IFFO2: variants seen among roughly 807,000 people sequenced by gnomAD.
The protein encoded by IFFO2 is intermediate filament family orphan 2.
IFFO2 carries 19 observed loss-of-function variants against 53.5 expected under a neutral mutation model. The observed-to-expected ratio is 0.36, with a 90% CI of 0.25 to 0.52. The LOEUF is 0.52. IFFO2 is among the 20% of genes least tolerant of loss of function. The pLI is 0.94. For synonymous variants in IFFO2, 303 were observed against 313.6 expected, an observed-to-expected ratio of 0.97 and a Z score of 0.36; for missense variants, 570 against 727.4, an observed-to-expected ratio of 0.78 and a Z score of 2.49.
chr1:18,916,863 C>A lies in IFFO2; in HGVS notation c.1103+40G>T, dbSNP rs1380446191. 2.6e-6 allele frequency: 4 copies of A among 1,547,704 alleles called. No individual in the cohort carries two copies. In the Admixed American group the frequency reaches 5.9e-5, roughly 23 times the overall value. On this transcript the variant is annotated intron_variant, in intron 5 of 8. Transcript: ENST00000455833. This position sits in a 1 kb window ranked among gnomAD's most constrained non-coding sequence, Gnocchi z 4.3. ...CATTCACCGCCCCTGTGCAAGCAAT[C>A]CGGGGAAACGGAGAGTGTGCGGGCC... is the stretch of plus-strand genomic sequence containing the variant.
intron 1 of IFFO2, among the ~76,000 whole-genome samples, chr1:18,953,763 C>T (rs948587677): frequency 6.6e-6 from 1 of 152,194 alleles, no homozygotes; most frequent in African/African-American, 2.4e-5. Flanking sequence ...CATTCCAGGC[C>T]AGCGCCAGAA....
chr1:18,952,261 G>A (rs1293736478), intron 1 of IFFO2, among the ~76,000 whole-genome samples: 8 of 152,164 alleles, frequency 5.3e-5, no homozygotes, highest in Admixed American at 3.3e-4. Flanking sequence ...CGGCTTCAGC[G>A]ACCACATTTC....
At position 18,956,291 on chromosome 1, in the gene IFFO2, G is replaced by A; in HGVS notation, c.42C>T (p.Phe14=). The change falls in exon 1 of 9, where the codon TTC becomes TTT. Residue 14 remains phenylalanine (F), a synonymous_variant. Transcript: ENST00000455833. This position sits in a 1 kb window ranked among gnomAD's most constrained non-coding sequence, Gnocchi z 6.4. ...SLLFGEMALA[F]GCPPGGGGGG... ...CGCCGCCGCCGCCCGGCGGGCAGCC[G>A]AAGGCCAAGGCCATCTCCCCGAACA... is the stretch of plus-strand genomic sequence containing the variant. 1 of 625,702 alleles carries A rather than the reference G, an allele frequency of 1.6e-6. No individual in the cohort carries two copies. Among genetic ancestry groups the A allele is most frequent in the Non-Finnish European group, 2.1e-6 (1 of 473,496 alleles). 38.8% of individuals were successfully genotyped at this position (625,702 alleles called of 1,614,324 possible). A position where few individuals can be genotyped will look rare whatever the true frequency, so the allele number is the denominator to read the frequency against.
chr1:18,926,908 C>T (rs1266585766), intron 1 of IFFO2, among the ~76,000 whole-genome samples: 1 of 152,162 alleles, frequency 6.6e-6, no homozygotes, highest in Non-Finnish European at 1.5e-5. Context: ...AAAGTAGGTG[C>T]AGGCCCAGCA....
At chr1:18,943,694 TGGCAGATCGGGAA>T (rs998262915) in intron 1 of IFFO2, among the ~76,000 whole-genome samples, 12 of 152,226 alleles carry the variant, frequency 7.9e-5, no homozygotes, top group African/African-American at 2.9e-4. Context: ...AGCACAGGGC[TGGCAGATCGGGAA>T]GGCAGATCAG....
At chr1:18,930,038 A>G (rs1936354448) in intron 1 of IFFO2, among the ~76,000 whole-genome samples, 1 of 152,028 alleles carries the variant, frequency 6.6e-6, no homozygotes, top group Admixed American at 6.6e-5. Context: ...TGGAGAGGGG[A>G]GCAGGGACTC....
chr1:18,918,562 G>A lies in IFFO2; in HGVS notation c.823-60C>T. On this transcript the variant is annotated intron_variant, in intron 3 of 8. Transcript: ENST00000455833. This position sits in a 1 kb window ranked among gnomAD's most constrained non-coding sequence, Gnocchi z 5.2. ...GGATGGAGCAAGCCTGGGGGGCTTG[G>A]CAGAGAGGTGGGGAGACCCCTAGGT... is the stretch of plus-strand genomic sequence containing the variant. The A allele has an allele frequency of 5.2e-6, 8 of 1,528,158 alleles. No individual in the cohort carries two copies. The highest frequency in any genetic ancestry group is 7.1e-6 in the Non-Finnish European group (8 of 1,127,426). The allele number at this position is 1,528,158 out of a possible 1,614,324, so 94.7% of individuals were successfully genotyped here. A position where few individuals can be genotyped will look rare whatever the true frequency, so the allele number is the denominator to read the frequency against.
chr1:18,931,917 G>A (rs1218935924), intron 1 of IFFO2, among the ~76,000 whole-genome samples: 1 of 152,236 alleles, frequency 6.6e-6, no homozygotes, highest in Non-Finnish European at 1.5e-5. Flanking sequence ...TACACATGGG[G>A]TCACAGTCAC....
chr1:18,916,788 A>C lies in IFFO2; in HGVS notation c.1103+115T>G. 7.7e-7 allele frequency: 1 copy of C among 1,293,466 alleles called. No individual in the cohort carries two copies. The highest frequency in any genetic ancestry group is 1.0e-6 in the Non-Finnish European group (1 of 955,792). The allele number at this position is 1,293,466 out of a possible 1,614,324, so 80.1% of individuals were successfully genotyped here. ...ACCCTGTCTCAAAAAAAAAAAGGAAATGAATTCAAATTCTTCCAGTGCTGC... is the reference window on the plus strand; with the variant it reads ...ACCCTGTCTCAAAAAAAAAAAGGAACTGAATTCAAATTCTTCCAGTGCTGC... On this transcript the variant is annotated intron_variant, in intron 5 of 8. Transcript: ENST00000455833. This position sits in a 1 kb window ranked among gnomAD's most constrained non-coding sequence, Gnocchi z 4.3.
At chr1:18,911,936 C>G in intron 6 of IFFO2, 27 bp downstream of exon 6, 1 of 1,551,104 alleles carries the variant, frequency 6.4e-7, no homozygotes, top group Admixed American at 2.0e-5. Flanking sequence ...TAGTCCTGGC[C>G]TTTGGGAAGC....
chr1:18,913,231 C>T (rs1034418185), intron 5 of IFFO2, among the ~76,000 whole-genome samples: 7 of 152,334 alleles, frequency 4.6e-5, no homozygotes, highest in Admixed American at 2.0e-4. Flanking sequence ...CAGGCCGGGC[C>T]GGCTCCCCTC....
rs71577808 is a variant in IFFO2 at position 18,934,057 on chromosome 1, C to CTTTTTTTTTTTTTTTTTTTTTTT, written c.666-12959_666-12937dup. On this transcript the variant is annotated intron_variant, in intron 1 of 8. Transcript: ENST00000455833. ...TGTGAATAGCTTATTTCTCTTATTTCTTTTTTTTTTTTTTTTTTTTTTTTT... is the reference window on the plus strand; with the variant it reads ...TGTGAATAGCTTATTTCTCTTATTTCTTTTTTTTTTTTTTTTTTTTTTTTTTTTTTTTTTTTTTTTTTTTTTTT... Among the ~76,000 whole-genome samples, 4 of 70,330 alleles carry CTTTTTTTTTTTTTTTTTTTTTTT rather than the reference C, an allele frequency of 5.7e-5. 2 individuals carry two copies. Among genetic ancestry groups the CTTTTTTTTTTTTTTTTTTTTTTT allele is most frequent in the African/African-American group, 1.4e-4 (2 of 14,502 alleles). The allele number at this position is 70,330 out of a possible 152,430, so 46.1% of individuals were successfully genotyped here.
intron 1 of IFFO2, among the ~76,000 whole-genome samples, chr1:18,948,920 C>A: frequency 6.6e-6 from 1 of 152,240 alleles, no homozygotes; most frequent in East Asian, 1.9e-4. Context: ...TCCACAACCT[C>A]CGGACACAGA....
chr1:18,927,298 C>T (rs1367607620), intron 1 of IFFO2, among the ~76,000 whole-genome samples: 2 of 152,194 alleles, frequency 1.3e-5, no homozygotes, highest in African/African-American at 2.4e-5. Flanking sequence ...ACGCCTAGGC[C>T]GACTCACTCA....
At position 18,916,773 on chromosome 1, in the gene IFFO2, A is replaced by C; in HGVS notation, c.1103+130T>G. On this transcript the variant is annotated intron_variant, in intron 5 of 8. Transcript: ENST00000455833. This position sits in a 1 kb window ranked among gnomAD's most constrained non-coding sequence, Gnocchi z 4.3. ...GGGTGACAAAGTGAGACCCTGTCTC[A>C]AAAAAAAAAAGGAAATGAATTCAAA... 4.6e-6 allele frequency: 2 copies of C among 439,350 alleles called. No homozygotes were observed. The highest frequency in any genetic ancestry group is 7.8e-5 in the East Asian group (1 of 12,748). The allele number at this position is 439,350 out of a possible 1,614,324, so 27.2% of individuals were successfully genotyped here.
intron 5 of IFFO2, among the ~76,000 whole-genome samples, chr1:18,914,038 AG>A (rs1936093262): frequency 6.6e-6 from 1 of 152,092 alleles, no homozygotes; most frequent in African/African-American, 2.4e-5. Flanking sequence ...TCACCGTGTT[AG>A]CCAGGATGGT....
rs1225515932 is a variant in IFFO2 at position 18,953,655 on chromosome 1, G to A, written c.665+2013C>T. Among the ~76,000 whole-genome samples, 4 of 152,098 alleles carry A rather than the reference G, an allele frequency of 2.6e-5. No individual in the cohort carries two copies. The South Asian group carries it at 6.2e-4, about 24-fold the overall frequency. On this transcript the variant is annotated intron_variant, in intron 1 of 8. Transcript: ENST00000455833. ...TGGAAAAATCCAACATGAGTCTTGAGTTAACTTCAGAAAATAAATGGAAGA... is the reference window on the plus strand; with the variant it reads ...TGGAAAAATCCAACATGAGTCTTGAATTAACTTCAGAAAATAAATGGAAGA...
In IFFO2 at chr1:18,918,529, T is replaced by A. The variant is rs1279088426; in HGVS notation, c.823-27A>T. ...TGCAGGGAGGACAGCAGGGTTTACATGAGCGAGGGATGGAGCAAGCCTGGG... is the reference window on the plus strand; with the variant it reads ...TGCAGGGAGGACAGCAGGGTTTACAAGAGCGAGGGATGGAGCAAGCCTGGG... On this transcript the variant is annotated intron_variant, in intron 3 of 8. Coordinates refer to ENST00000455833, the MANE Select transcript of IFFO2 (RefSeq NM_001136265.2). The surrounding 1 kb of genome is among the most constrained non-coding windows in gnomAD (Gnocchi z 5.2). The A allele has an allele frequency of 1.9e-5, 29 of 1,550,698 alleles. No homozygotes were observed. The highest frequency in any genetic ancestry group is 2.7e-5 in the African/African-American group (2 of 72,920).
intron 8 of IFFO2, 67 bp from the exon 9 acceptor site, chr1:18,908,733 G>T: frequency 1.7e-6 from 2 of 1,165,458 alleles, no homozygotes; most frequent in Non-Finnish European, 2.5e-6. Context: ...TCAAGGAGTG[G>T]GAAGGCTGAG....
Sources: allele counts gnomAD v4.1 joint callset (sites outside exome capture counted in the v4.1 genomes callset), GRCh38; gene constraint gnomAD v4.1.1; non-coding constraint Gnocchi (gnomAD v3.1); transcripts MANE v1.5; gene names NCBI Gene and HGNC (gene_info 2026-07-23, HGNC 2026-07-21).